The following KCNIP4 variants were observed in gnomAD, a reference collection of about 807,000 sequenced individuals.
KCNIP4 encodes the protein potassium voltage-gated channel interacting protein 4.
In KCNIP4, 12 loss-of-function variants were observed where a neutral mutation model predicts 34.0. The observed-to-expected ratio is 0.35, with a 90% CI of 0.23 to 0.57. The LOEUF (loss-of-function observed/expected upper bound fraction) is 0.57. KCNIP4 is among the 20% of genes least tolerant of loss of function. KCNIP4 has a pLI of 0.83. For synonymous variants in KCNIP4, 124 were observed against 102.2 expected, an observed-to-expected ratio of 1.21 and a Z score of -1.29; for missense variants, 238 against 311.7, an observed-to-expected ratio of 0.76 and a Z score of 1.78.
At chr4:21,021,170 T>C (rs1293713648) in intron 1 of KCNIP4, among the ~76,000 whole-genome samples, 3 of 152,230 alleles carry the variant, frequency 2.0e-5, no homozygotes, top group African/African-American at 7.2e-5. Flanking sequence ...TAAGTATTTG[T>C]GTATTTTAAC....
chr4:21,863,431 A>G (rs1403688749), intron 1 of KCNIP4, among the ~76,000 whole-genome samples: 3 of 152,214 alleles, frequency 2.0e-5, no homozygotes, highest in Non-Finnish European at 2.9e-5. Flanking sequence ...AATATGTACT[A>G]TCCCCTCTCA....
intron 1 of KCNIP4, among the ~76,000 whole-genome samples, chr4:21,756,592 T>A (rs1318970942): frequency 6.6e-6 from 1 of 150,552 alleles, no homozygotes; most frequent in Non-Finnish European, 1.5e-5. Context: ...GAAATATCTA[T>A]CAACTGCAGC....
chr4:21,201,309 C>T (rs1023773937), intron 1 of KCNIP4, among the ~76,000 whole-genome samples: 3 of 152,058 alleles, frequency 2.0e-5, no homozygotes, highest in African/African-American at 7.2e-5. Context: ...GCTTTGAGAA[C>T]ATTCAAGTTA....
chr4:21,326,008 G>T (rs970025405), intron 1 of KCNIP4, among the ~76,000 whole-genome samples: 1 of 151,694 alleles, frequency 6.6e-6, no homozygotes, highest in Admixed American at 6.6e-5. Flanking sequence ...ACGTGTTTGT[G>T]GCCTAACATA....
intron 1 of KCNIP4, among the ~76,000 whole-genome samples, chr4:20,926,571 A>ATTTT (rs1729916517): frequency 6.6e-6 from 1 of 152,184 alleles, no homozygotes; most frequent in African/African-American, 2.4e-5. Context: ...AGAGCTTACA[A>ATTTT]TTTAAAATCA....
intron 1 of KCNIP4, among the ~76,000 whole-genome samples, chr4:21,944,434 G>A (rs576153267): frequency 6.6e-5 from 10 of 151,584 alleles, no homozygotes; most frequent in Middle Eastern, 3.4e-3. Flanking sequence ...GGGTGCACCC[G>A]TGATCCTGGC....
At chr4:21,098,051 G>A (rs1488393530) in intron 1 of KCNIP4, among the ~76,000 whole-genome samples, 1 of 152,140 alleles carries the variant, frequency 6.6e-6, no homozygotes, top group Non-Finnish European at 1.5e-5. Context: ...TTAGGGCTCT[G>A]GGTAAAAGTT....
chr4:20,735,481 C>T (rs1170962394), intron 5 of KCNIP4, among the ~76,000 whole-genome samples: 3 of 150,696 alleles, frequency 2.0e-5, no homozygotes, highest in Non-Finnish European at 2.9e-5. Context: ...GATTGCATTG[C>T]AGACTGGCCA....
At chr4:21,812,002 G>A (rs1721686528) in intron 1 of KCNIP4, among the ~76,000 whole-genome samples, 1 of 152,160 alleles carries the variant, frequency 6.6e-6, no homozygotes, top group Non-Finnish European at 1.5e-5. Context: ...AAGTTAAGCT[G>A]AAATATTTAC....
At chr4:21,377,480 T>G (rs1037093196) in intron 1 of KCNIP4, among the ~76,000 whole-genome samples, 1 of 152,192 alleles carries the variant, frequency 6.6e-6, no homozygotes, top group African/African-American at 2.4e-5. Flanking sequence ...TCAACAAGGT[T>G]TAAATAATTA....
At chr4:21,614,004 A>T (rs1049614918) in intron 1 of KCNIP4, among the ~76,000 whole-genome samples, 3 of 151,754 alleles carry the variant, frequency 2.0e-5, no homozygotes, top group African/African-American at 7.3e-5. Context: ...AAAAAAAATT[A>T]GCCAGGCGTG....
chr4:20,830,634 A>G (rs1718306364), intron 3 of KCNIP4, among the ~76,000 whole-genome samples: 1 of 152,232 alleles, frequency 6.6e-6, no homozygotes, highest in Non-Finnish European at 1.5e-5. Flanking sequence ...CCAAAAAATG[A>G]CATGCATACA....
chr4:21,667,841 G>T (rs1749117717), intron 1 of KCNIP4, among the ~76,000 whole-genome samples: 1 of 152,208 alleles, frequency 6.6e-6, no homozygotes, highest in African/African-American at 2.4e-5. Context: ...AAGTTCTACG[G>T]TGGGACAGGC....
intron 1 of KCNIP4, among the ~76,000 whole-genome samples, chr4:21,879,146 G>A (rs747454004): frequency 9.2e-5 from 14 of 152,144 alleles, no homozygotes; most frequent in Admixed American, 2.0e-4. Flanking sequence ...ATGAAAATAT[G>A]AACATATGCC....
At chr4:21,582,822 T>C (rs73252271) in intron 1 of KCNIP4, among the ~76,000 whole-genome samples, 9,907 of 151,852 alleles carry the variant, frequency 0.065, 477 homozygotes, top group African/African-American at 0.13. Context: ...AACTAGGAAG[T>C]CTCCATTTTA....
chr4:20,818,263 C>T (rs960712639), intron 3 of KCNIP4, among the ~76,000 whole-genome samples: 3 of 152,174 alleles, frequency 2.0e-5, no homozygotes, highest in African/African-American at 7.2e-5. Flanking sequence ...CCAAAGACAT[C>T]CTATGAGTAG....
Position 21,666,209 on chromosome 4 carries a change from A to T in KCNIP4, c.61+282362T>A, listed in dbSNP as rs1435398914. Among the ~76,000 whole-genome samples, 4 of 152,236 alleles carry T rather than the reference A, an allele frequency of 2.6e-5. No individual in the cohort carries two copies. The East Asian group carries it at 7.7e-4, about 29-fold the overall frequency. On this transcript the variant is annotated intron_variant, in intron 1 of 8. Transcript: ENST00000382152. Reference sequence around the variant, plus strand: ...TTTTTAAAAGATGAAGACATAGTGCATTACTTAGGTAACACTGCTTCTCTG... The same window carrying T: ...TTTTTAAAAGATGAAGACATAGTGCTTTACTTAGGTAACACTGCTTCTCTG...
intron 1 of KCNIP4, among the ~76,000 whole-genome samples, chr4:21,797,410 G>A (rs1720694420): frequency 1.3e-5 from 2 of 151,990 alleles, no homozygotes; most frequent in African/African-American, 2.4e-5. Flanking sequence ...CTCCCAAAGT[G>A]CTGGAATTAC....
At chr4:21,201,013 G>A (rs1756452516) in intron 1 of KCNIP4, among the ~76,000 whole-genome samples, 1 of 152,120 alleles carries the variant, frequency 6.6e-6, no homozygotes, top group Non-Finnish European at 1.5e-5. Flanking sequence ...AGGTCACCCA[G>A]TGAATAAGAG....
Sources: allele counts gnomAD v4.1 joint callset (sites outside exome capture counted in the v4.1 genomes callset), GRCh38; gene constraint gnomAD v4.1.1; transcripts MANE v1.5; gene names NCBI Gene and HGNC (gene_info 2026-07-23, HGNC 2026-07-21).